ARHGAP24: variants seen among roughly 807,000 people sequenced by gnomAD.
The protein encoded by ARHGAP24 is rho GTPase-activating protein 24.
In ARHGAP24, 50 loss-of-function variants were observed where a neutral mutation model predicts 76.4. That is an observed-to-expected ratio of 0.65 (90% CI 0.52 to 0.83). The LOEUF (loss-of-function observed/expected upper bound fraction) is 0.83. ARHGAP24 is among the 40% of genes least tolerant of loss of function. ARHGAP24 has a pLI of 0.00. For missense variants in ARHGAP24, 930 were observed against 914.2 expected, an observed-to-expected ratio of 1.02 and a Z score of -0.22; for synonymous variants, 345 against 323.3, an observed-to-expected ratio of 1.07 and a Z score of -0.72.
chr4:85,911,960 C>A (rs1259737578), intron 3 of ARHGAP24, among the ~76,000 whole-genome samples: 4 of 152,166 alleles, frequency 2.6e-5, no homozygotes, highest in African/African-American at 7.2e-5. Context: ...CTGGCCTCCA[C>A]TCCTTTTGTA....
intron 1 of ARHGAP24, among the ~76,000 whole-genome samples, chr4:85,566,738 A>G (rs1726863818): frequency 6.6e-6 from 1 of 152,328 alleles, no homozygotes; most frequent in Non-Finnish European, 1.5e-5. Context: ...TGGTGGGGTG[A>G]TAGACAATAA....
chr4:85,897,485 C>T (rs1256661998), intron 3 of ARHGAP24, among the ~76,000 whole-genome samples: 1 of 152,050 alleles, frequency 6.6e-6, no homozygotes, highest in Non-Finnish European at 1.5e-5. Context: ...ATTATTATTA[C>T]TACTAATTTC....
At chr4:85,612,825 C>T (rs77814606) in intron 2 of ARHGAP24, among the ~76,000 whole-genome samples, 6,658 of 117,472 alleles carry the variant, frequency 0.057, 599 homozygotes, top group African/African-American at 0.2. Flanking sequence ...GTGGCAATCT[C>T]GCTGTGTCGT....
At chr4:85,529,908 A>C (rs1297701826) in intron 1 of ARHGAP24, among the ~76,000 whole-genome samples, 1 of 145,196 alleles carries the variant, frequency 6.9e-6, no homozygotes, top group Non-Finnish European at 1.5e-5. Flanking sequence ...TATTTTAAAA[A>C]AAACTCTTTT....
chr4:85,827,235 T>C (rs538060359), intron 3 of ARHGAP24, among the ~76,000 whole-genome samples: 185 of 152,288 alleles, frequency 1.2e-3, no homozygotes, highest in Non-Finnish European at 2.2e-3. Context: ...TATTTTAATA[T>C]GGAAGTTTGC....
chr4:85,556,183 T>G (rs1178980004), intron 1 of ARHGAP24, among the ~76,000 whole-genome samples: 2 of 152,024 alleles, frequency 1.3e-5, no homozygotes, highest in Non-Finnish European at 2.9e-5. Context: ...TGAGCTTCTC[T>G]CTATATAATA....
intron 2 of ARHGAP24, among the ~76,000 whole-genome samples, chr4:85,576,652 A>G (rs1727388649): frequency 6.6e-6 from 1 of 152,186 alleles, no homozygotes; most frequent in Non-Finnish European, 1.5e-5. Context: ...GTTTAAAACG[A>G]CACTAAGATG....
intron 2 of ARHGAP24, among the ~76,000 whole-genome samples, chr4:85,571,564 G>T (rs916275202): frequency 6.6e-6 from 1 of 152,118 alleles, no homozygotes; most frequent in African/African-American, 2.4e-5. Context: ...TTGTGTTAAA[G>T]AACTTAATTA....
chr4:85,491,144 T>G (rs1225600856), intron 1 of ARHGAP24, among the ~76,000 whole-genome samples: 2 of 152,214 alleles, frequency 1.3e-5, no homozygotes, highest in South Asian at 4.1e-4. Context: ...TTGGAGGTTA[T>G]GACAAAATGG....
chr4:85,965,556 C>T (rs1430036639), intron 5 of ARHGAP24, among the ~76,000 whole-genome samples: 6 of 151,902 alleles, frequency 3.9e-5, no homozygotes, highest in African/African-American at 1.5e-4. Flanking sequence ...AAACTCGTGA[C>T]CATTACACAT....
chr4:85,703,512 G>A (rs1345791904), intron 2 of ARHGAP24, among the ~76,000 whole-genome samples: 2 of 152,114 alleles, frequency 1.3e-5, no homozygotes, highest in African/African-American at 2.4e-5. Flanking sequence ...ACTTGGGGGA[G>A]TTGATGACAT....
intron 2 of ARHGAP24, among the ~76,000 whole-genome samples, chr4:85,707,450 A>T (rs753508762): frequency 1.3e-5 from 2 of 152,120 alleles, no homozygotes; most frequent in Non-Finnish European, 1.5e-5. Flanking sequence ...CACCGTGTCT[A>T]GCAAAATATT....
At chr4:85,504,406 T>C (rs1723952670) in intron 1 of ARHGAP24, among the ~76,000 whole-genome samples, 1 of 152,238 alleles carries the variant, frequency 6.6e-6, no homozygotes, top group South Asian at 2.1e-4. Flanking sequence ...CGTGCTCCTC[T>C]ATTGGGTGCA....
At chr4:85,621,751 G>T (rs77997453) in intron 2 of ARHGAP24, among the ~76,000 whole-genome samples, 2 of 151,966 alleles carry the variant, frequency 1.3e-5, no homozygotes, top group Non-Finnish European at 2.9e-5. Context: ...TCTGCTGTGC[G>T]CAAGCTCCTT....
At chr4:85,999,072 T>C (rs932664266) in intron 9 of ARHGAP24, among the ~76,000 whole-genome samples, 1 of 152,246 alleles carries the variant, frequency 6.6e-6, no homozygotes, top group African/African-American at 2.4e-5. Context: ...GGGAGGGATT[T>C]CTTCTGTATT....
chr4:85,489,153 A>C (rs147289973), intron 1 of ARHGAP24, among the ~76,000 whole-genome samples: 2 of 152,202 alleles, frequency 1.3e-5, no homozygotes, highest in Non-Finnish European at 2.9e-5. Flanking sequence ...ACAACAAATA[A>C]GTCTGATGGC....
At chr4:85,759,621 G>A (rs138882329) in intron 3 of ARHGAP24, among the ~76,000 whole-genome samples, 55 of 152,256 alleles carry the variant, frequency 3.6e-4, no homozygotes, top group African/African-American at 1.3e-3. Context: ...TAGTTTCTCT[G>A]TCTATAGGAC....
chr4:85,732,958 A>G, intron 3 of ARHGAP24, among the ~76,000 whole-genome samples: 1 of 151,028 alleles, frequency 6.6e-6, no homozygotes. Context: ...TCGGCCTCCC[A>G]AAGTGCTGGA....
At chr4:85,824,377 A>G (rs907994384) in intron 3 of ARHGAP24, among the ~76,000 whole-genome samples, 8 of 152,208 alleles carry the variant, frequency 5.3e-5, no homozygotes, top group Non-Finnish European at 2.9e-5. Context: ...TAGTTCACAC[A>G]CTAGAAACAA....
Sources: gnomAD v4.1 joint callset for allele counts (sites outside exome capture counted in the v4.1 genomes callset) on GRCh38, gnomAD v4.1.1 for gene constraint, MANE v1.5 for transcripts, NCBI Gene and HGNC (gene_info 2026-07-23, HGNC 2026-07-21) for gene names.